PPM1H: variants seen among roughly 807,000 people sequenced by gnomAD.
PPM1H encodes the protein protein phosphatase, Mg2+/Mn2+ dependent 1H.
Under a neutral mutation model 54.9 loss-of-function variants are expected in PPM1H, and 27 were observed. That is an observed-to-expected ratio of 0.49 (90% CI 0.36 to 0.68). The LOEUF is 0.68. Ranked by LOEUF, PPM1H falls within the 30% of genes least tolerant of loss-of-function variation. The pLI, the probability that PPM1H is intolerant of heterozygous loss-of-function variation, is 0.00. For synonymous variants in PPM1H, 305 were observed against 270.8 expected (o/e 1.13, Z -1.24); for missense variants, 596 against 667.8 (o/e 0.89, Z 1.19).
At chr12:62,924,070 T>A (rs1212879308) in intron 1 of PPM1H, among the ~76,000 whole-genome samples, 1 of 152,224 alleles carries the variant, frequency 6.6e-6, no homozygotes, top group Non-Finnish European at 1.5e-5. Flanking sequence ...ATGTCCACAC[T>A]TGACAAAATA....
intron 1 of PPM1H, among the ~76,000 whole-genome samples, chr12:62,925,518 T>C (rs1484382932): frequency 1.3e-5 from 2 of 152,170 alleles, no homozygotes; most frequent in East Asian, 1.9e-4. Flanking sequence ...GCAGGTGTTG[T>C]AGTGAGCCAA....
chr12:62,793,580 C>T (rs758058326), intron 3 of PPM1H, among the ~76,000 whole-genome samples: 47 of 151,764 alleles, frequency 3.1e-4, no homozygotes, highest in Non-Finnish European at 4.4e-4. Flanking sequence ...CAAAATTAGC[C>T]GGGTGTGATG....
intron 1 of PPM1H, among the ~76,000 whole-genome samples, chr12:62,923,196 T>G (rs1256281902): frequency 5.3e-5 from 8 of 152,146 alleles, no homozygotes; most frequent in Non-Finnish European, 8.8e-5. Flanking sequence ...AAGCATAAAT[T>G]AAGGCCACTG....
At chr12:62,842,167 G>A (rs1756890063) in intron 1 of PPM1H, among the ~76,000 whole-genome samples, 1 of 152,024 alleles carries the variant, frequency 6.6e-6, no homozygotes, top group South Asian at 2.1e-4. Flanking sequence ...AAATAAAGCA[G>A]AAAAAATGCT....
chr12:62,924,218 G>A (rs920157893), intron 1 of PPM1H, among the ~76,000 whole-genome samples: 2 of 152,154 alleles, frequency 1.3e-5, no homozygotes, highest in Non-Finnish European at 2.9e-5. Context: ...CAGAGTGGGG[G>A]GGGCAGTAGC....
chr12:62,670,636 C>CA (rs2075951860), intron 8 of PPM1H, among the ~76,000 whole-genome samples: 1 of 152,178 alleles, frequency 6.6e-6, no homozygotes, highest in African/African-American at 2.4e-5. Context: ...GATACATACA[C>CA]ACGTTATAAA....
At chr12:62,922,298 T>C (rs1216975185) in intron 1 of PPM1H, among the ~76,000 whole-genome samples, 1 of 151,814 alleles carries the variant, frequency 6.6e-6, no homozygotes. Context: ...ATGCATTTAA[T>C]TCCCTTATGT....
rs1370243830 is a variant in PPM1H, at chr12:62,804,682, T to C, written c.412-2522A>G. 2.1e-5 allele frequency among the ~76,000 whole-genome samples: 3 copies of C among 143,404 alleles called. No homozygotes were observed. The South Asian group carries it at 6.8e-4, about 33-fold the overall frequency. The allele number at this position is 143,404 out of a possible 152,430, so 94.1% of individuals were successfully genotyped here. On this transcript the variant is annotated intron_variant, in intron 2 of 9. Transcript: ENST00000228705. ...GGTTAATTTCTTTTTTTTTCTTTTTTTTTTTTTTTTTGAGACGGAGTCTCG... is the reference window on the plus strand; with the variant it reads ...GGTTAATTTCTTTTTTTTTCTTTTTCTTTTTTTTTTTGAGACGGAGTCTCG...
intron 1 of PPM1H, among the ~76,000 whole-genome samples, chr12:62,860,124 G>T (rs1008657810): frequency 6.6e-6 from 1 of 152,124 alleles, no homozygotes; most frequent in African/African-American, 2.4e-5. Context: ...GCCTACAATC[G>T]AGTCAGAAGG....
chr12:62,681,001 C>A (rs909449056), intron 8 of PPM1H, among the ~76,000 whole-genome samples: 1 of 152,124 alleles, frequency 6.6e-6, no homozygotes, highest in Non-Finnish European at 1.5e-5. Flanking sequence ...GGAAGACCCT[C>A]CCGCTCTGGG....
chr12:62,751,589 T>C (rs1440943450), intron 4 of PPM1H, among the ~76,000 whole-genome samples: 5 of 152,236 alleles, frequency 3.3e-5, no homozygotes, highest in African/African-American at 1.2e-4. Flanking sequence ...CGAAAGCTCA[T>C]GGATCTCCAT....
At chr12:62,891,697 T>G (rs992135842) in intron 1 of PPM1H, among the ~76,000 whole-genome samples, 1 of 152,224 alleles carries the variant, frequency 6.6e-6, no homozygotes, top group African/African-American at 2.4e-5. Context: ...CTAAGACTCA[T>G]ATCTTTGGTG....
chr12:62,832,070 GC>G (rs1592623663), intron 2 of PPM1H, 43 bp downstream of exon 2: 1 of 1,593,634 alleles, frequency 6.3e-7, no homozygotes, highest in Non-Finnish European at 8.6e-7. Flanking sequence ...CAAAGTGTGT[GC>G]CATTCTTCTC....
At position 62,909,245 on chromosome 12, in the gene PPM1H, C is replaced by T. The variant is rs567606029; in HGVS notation, c.245+25247G>A. On this transcript the variant is annotated intron_variant, in intron 1 of 9. Coordinates refer to ENST00000228705, the MANE Select transcript of PPM1H (RefSeq NM_020700.2). ...ACATCATCTTATACCCGGAGTAATGCAAAAGCTTTCAACTGCTTTTCCTGC... is the reference window on the plus strand; with the variant it reads ...ACATCATCTTATACCCGGAGTAATGTAAAAGCTTTCAACTGCTTTTCCTGC... Among the ~76,000 whole-genome samples, 13 of 152,302 alleles carry T rather than the reference C, an allele frequency of 8.5e-5. 1 individual carries two copies. In the South Asian group the frequency reaches 1.0e-3, roughly 12 times the overall value.
chr12:62,781,752 G>A (rs2076643910), intron 4 of PPM1H, among the ~76,000 whole-genome samples: 3 of 152,204 alleles, frequency 2.0e-5, no homozygotes, highest in Middle Eastern at 3.2e-3. Flanking sequence ...GAGAGAGAAG[G>A]GCCTCTCGGG....
rs924375242 is a variant in PPM1H, at chr12:62,816,732, G to GT, written c.412-14573dup. On this transcript the variant is annotated intron_variant, in intron 2 of 9. Coordinates refer to ENST00000228705, the MANE Select transcript of PPM1H (RefSeq NM_020700.2). Reference sequence around the variant, plus strand: ...GTGCTGAGTATTATTTATGGTTTTGGTTTTTTTTTTTAGAAGAAATGAAAG... The same window carrying GT: ...GTGCTGAGTATTATTTATGGTTTTGGTTTTTTTTTTTTAGAAGAAATGAAAG... Among the ~76,000 whole-genome samples, 863 of 144,450 alleles carry GT rather than the reference G, an allele frequency of 6.0e-3. 4 individuals carry two copies. The highest frequency in any genetic ancestry group is 0.017 in the African/African-American group (683 of 39,676). The allele number at this position is 144,450 out of a possible 152,430, so 94.8% of individuals were successfully genotyped here.
At chr12:62,655,172 T>C (rs1009626670) in intron 9 of PPM1H, among the ~76,000 whole-genome samples, 1 of 152,152 alleles carries the variant, frequency 6.6e-6, no homozygotes, top group African/African-American at 2.4e-5. Context: ...GCTTTCCTCA[T>C]AGATTCATTA....
At chr12:62,800,339 T>C (rs1475095964) in intron 3 of PPM1H, among the ~76,000 whole-genome samples, 1 of 150,272 alleles carries the variant, frequency 6.7e-6, no homozygotes, top group African/African-American at 2.5e-5. Context: ...TTTTTTTTTG[T>C]TTATTTGTTT....
At chr12:62,736,958 T>G (rs2076352838) in intron 5 of PPM1H, among the ~76,000 whole-genome samples, 2 of 152,142 alleles carry the variant, frequency 1.3e-5, no homozygotes, top group African/African-American at 4.8e-5. Flanking sequence ...AAGAGAATAA[T>G]CTACATAGAG....
Sources: gnomAD v4.1 joint callset for allele counts (sites outside exome capture counted in the v4.1 genomes callset) on GRCh38, gnomAD v4.1.1 for gene constraint, MANE v1.5 for transcripts, NCBI Gene and HGNC (gene_info 2026-07-23, HGNC 2026-07-21) for gene names.